The following AKT2 variants were observed in gnomAD, a reference collection of about 807,000 sequenced individuals.
AKT2 encodes the protein RAC-beta serine/threonine-protein kinase.
In AKT2, 16 loss-of-function variants were observed where a neutral mutation model predicts 58.6. The observed-to-expected ratio is 0.27, with a 90% CI of 0.18 to 0.41. AKT2 has a LOEUF of 0.41. Ranked by LOEUF, AKT2 falls within the 10% of genes least tolerant of loss-of-function variation. The pLI, the probability that AKT2 is intolerant of heterozygous loss-of-function variation, is 1.00. For synonymous variants in AKT2, 253 were observed against 254.0 expected, an observed-to-expected ratio of 1.00 and a Z score of 0.04; for missense variants, 438 against 661.0, an observed-to-expected ratio of 0.66 and a Z score of 3.70.
chr19:40,238,257 T>C lies in AKT2; in HGVS notation c.709-166A>G, dbSNP rs181208337. ...AAGGCAGAGCGCAGAAGCTCATAAG[T>C]GACACAGAGCTGGGGGGAAGGGCGA... On this transcript the variant is annotated intron_variant, in intron 8 of 13. Coordinates refer to ENST00000392038, the MANE Select transcript of AKT2 (RefSeq NM_001626.6). This position sits in a 1 kb window ranked among gnomAD's most constrained non-coding sequence, Gnocchi z 5.1. 8.6e-5 allele frequency among the ~76,000 whole-genome samples: 13 copies of C among 151,550 alleles called. No individual in the cohort carries two copies. Among genetic ancestry groups the C allele is most frequent in the African/African-American group, 3.1e-4 (13 of 41,320 alleles).
At chr19:40,243,981 T>C (rs1974575320) in intron 4 of AKT2, 1 of 150,450 alleles carries the variant, frequency 6.6e-6, no homozygotes, top group Non-Finnish European at 1.5e-5. Context: ...GAGGCGGAGG[T>C]TGCAGTGAGC....
At chr19:40,278,931 C>G (rs8111619) in intron 1 of AKT2, among the ~76,000 whole-genome samples, 31,263 of 151,438 alleles carry the variant, frequency 0.21, 3,877 homozygotes, top group African/African-American at 0.34. Flanking sequence ...CAGCTACCCC[C>G]GGGACCAGGT....
chr19:40,256,517 G>A (rs1975552551), intron 3 of AKT2, among the ~76,000 whole-genome samples: 1 of 152,206 alleles, frequency 6.6e-6, no homozygotes, highest in African/African-American at 2.4e-5. Flanking sequence ...GAGGGACAGA[G>A]GACGCGAGGC....
intron 3 of AKT2, 81 bp downstream of exon 3, chr19:40,256,845 T>C (rs919336145): frequency 7.5e-6 from 12 of 1,600,974 alleles, no homozygotes; most frequent in Non-Finnish European, 9.4e-6. Context: ...CATGGCTCAA[T>C]GACCAAGTCC....
intron 1 of AKT2, among the ~76,000 whole-genome samples, chr19:40,281,542 T>G (rs1463363700): frequency 6.6e-6 from 1 of 151,760 alleles, no homozygotes; most frequent in East Asian, 1.9e-4. Flanking sequence ...AAGACTCCAG[T>G]GTGTCTACCT....
In AKT2 at chr19:40,240,025, G is replaced by T. The variant is rs1437040717; in HGVS notation, c.639+20C>A. 1 of 1,612,592 alleles carries T rather than the reference G, an allele frequency of 6.2e-7. No homozygotes were observed. Among genetic ancestry groups the T allele is most frequent in the Admixed American group, 1.7e-5 (1 of 60,022 alleles). On this transcript the variant is annotated intron_variant, in intron 7 of 13. Coordinates refer to ENST00000392038, the MANE Select transcript of AKT2 (RefSeq NM_001626.6). ...CCAAAGGCTGGCCTCACACTGTCTG[G>T]GAAGGGGAGGGCAACTCACAGTGAG...
At chr19:40,275,871 G>A (rs1182018287) in intron 1 of AKT2, among the ~76,000 whole-genome samples, 2 of 149,520 alleles carry the variant, frequency 1.3e-5, no homozygotes, top group Non-Finnish European at 3.0e-5. Flanking sequence ...AAATTAGCCA[G>A]GCGTGGTGGT....
chr19:40,285,285 C>T lies in AKT2; in HGVS notation c.-189G>A. On this transcript the variant is annotated 5_prime_UTR_variant, in exon 1 of 14. Transcript: ENST00000392038. Reference sequence around the variant, plus strand: ...GTGTTTCCCGGCAGCGGCAACGGCGCCGGCAGCGGCAGCGGCGGCGGCGAC... The same window carrying T: ...GTGTTTCCCGGCAGCGGCAACGGCGTCGGCAGCGGCAGCGGCGGCGGCGAC... The T allele has an allele frequency of 5.1e-6, 2 of 395,118 alleles. No homozygotes were observed. Among genetic ancestry groups the T allele is most frequent in the Admixed American group, 8.9e-5 (2 of 22,572 alleles). 24.5% of individuals were successfully genotyped at this position (395,118 alleles called of 1,614,324 possible). A position where few individuals can be genotyped will look rare whatever the true frequency, so the allele number is the denominator to read the frequency against.
chr19:40,231,250 G>A lies in AKT2; in HGVS notation c.*2622C>T, dbSNP rs531452459. The A allele has an allele frequency of 3.0e-5, 7 of 232,274 alleles. No homozygotes were observed. The highest frequency in any genetic ancestry group is 6.0e-5 in the Non-Finnish European group (7 of 117,514). The allele number at this position is 232,274 out of a possible 1,614,324, so 14.4% of individuals were successfully genotyped here. A position where few individuals can be genotyped will look rare whatever the true frequency, so the allele number is the denominator to read the frequency against. Reference sequence around the variant, plus strand: ...AAGAGGAGAGAGGCACTAAAAAGATGAGGTAGCCAGGCCTGTGCCCACACT... The same window carrying A: ...AAGAGGAGAGAGGCACTAAAAAGATAAGGTAGCCAGGCCTGTGCCCACACT... On this transcript the variant is annotated 3_prime_UTR_variant, in exon 14 of 14. Transcript: ENST00000392038.
chr19:40,230,941 T>C lies in AKT2; in HGVS notation c.*2931A>G. 5.3e-6 allele frequency: 1 copy of C among 189,932 alleles called. No homozygotes were observed. The highest frequency in any genetic ancestry group is 2.0e-4 in the South Asian group (1 of 5,122). The allele number at this position is 189,932 out of a possible 1,614,324, so 11.8% of individuals were successfully genotyped here. A position where few individuals can be genotyped will look rare whatever the true frequency, so the allele number is the denominator to read the frequency against. On this transcript the variant is annotated 3_prime_UTR_variant, in exon 14 of 14. Coordinates refer to ENST00000392038, the MANE Select transcript of AKT2 (RefSeq NM_001626.6). ...TCTCCCTATGATGCCCAGGCTGGTC[T>C]CGAACCCCTGGCCTCAAGAGACCCG...
intron 1 of AKT2, among the ~76,000 whole-genome samples, chr19:40,280,608 G>A (rs1001571579): frequency 2.6e-5 from 4 of 152,062 alleles, no homozygotes; most frequent in East Asian, 1.9e-4. Flanking sequence ...TGCCTGCCCC[G>A]CAGCCCCAGG....
chr19:40,244,170 C>T (rs911052888), intron 4 of AKT2: 7 of 151,728 alleles, frequency 4.6e-5, no homozygotes, highest in African/African-American at 1.2e-4. Flanking sequence ...GAGCTGGGCT[C>T]GGTGGCTCAC....
At chr19:40,243,009 T>C (rs150095606) in intron 4 of AKT2, 5 of 353,410 alleles carry the variant, frequency 1.4e-5, no homozygotes, top group Non-Finnish European at 1.7e-5. Flanking sequence ...TAGTCAGGGG[T>C]GGCATTCGCC....
At chr19:40,274,740 G>A (rs9636120) in intron 1 of AKT2, 85,950 of 299,052 alleles carry the variant, frequency 0.29, 14,616 homozygotes, top group South Asian at 0.46. Context: ...GGGCTGAGGC[G>A]CGTTCGAGGC....
At chr19:40,274,780 G>A (rs533444718) in intron 1 of AKT2, 8 of 328,110 alleles carry the variant, frequency 2.4e-5, no homozygotes, top group East Asian at 1.5e-4. Flanking sequence ...GGGGAGGGCC[G>A]GGAGATGTAG....
In AKT2 at chr19:40,233,958, G is replaced by A. The variant is rs191069336; in HGVS notation, c.1367-7C>T. 1.3e-4 allele frequency: 203 copies of A among 1,609,980 alleles called. 2 individuals are homozygous for A. The Admixed American group carries it at 3.3e-3, about 26-fold the overall frequency. On this transcript the variant is annotated splice_region_variant and splice_polypyrimidine_tract_variant and intron_variant, in intron 13 of 13. Coordinates refer to ENST00000392038, the MANE Select transcript of AKT2 (RefSeq NM_001626.6). This position sits in a 1 kb window ranked among gnomAD's most constrained non-coding sequence, Gnocchi z 4.3. ...AGTAAGCCCAGGCTGTCATCTGTGG[G>A]CGGCAGAGGTGGATGGGGAGGACCA...
chr19:40,238,048 C>A lies in AKT2; in HGVS notation c.752G>T (p.Arg251Leu). ...AATCTCTGCACCATAAAACCGGGCC[C>A]GCTCCTCTGTGAAGACACGCTCCCG... ...LSRERVFTEE[R>L]ARFYGAEIVS... is the part of the protein sequence containing the mutation. The change falls in exon 9 of 14, where the codon CGG (arginine) becomes CTG (leucine). Residue 251 changes from arginine to leucine, a missense_variant. By Grantham distance (102) the Arg-to-Leu change is moderately radical. Transcript: ENST00000392038. The surrounding 1 kb of genome is among the most constrained non-coding windows in gnomAD (Gnocchi z 5.1). 6.2e-7 allele frequency: 1 copy of A among 1,608,662 alleles called. No individual in the cohort carries two copies. Among genetic ancestry groups the A allele is most frequent in the Non-Finnish European group, 8.5e-7 (1 of 1,177,586 alleles).
At chr19:40,281,907 T>C (rs1478393571) in intron 1 of AKT2, among the ~76,000 whole-genome samples, 8 of 152,206 alleles carry the variant, frequency 5.3e-5, no homozygotes. Flanking sequence ...GCCTTCACAA[T>C]AATCCTATCA....
rs1973662483 is a variant in AKT2 at position 40,230,728 on chromosome 19, T to TA, written c.*3143_*3144insT. On this transcript the variant is annotated 3_prime_UTR_variant, in exon 14 of 14. Transcript: ENST00000392038. ...TAGCATGTATCATGTTTTTTTTTTT[T>TA]TTATTTTTAGAGACACAGTCTCATT... 4 of 206,788 alleles carry TA rather than the reference T, an allele frequency of 1.9e-5. No individual in the cohort carries two copies. Among genetic ancestry groups the TA allele is most frequent in the Admixed American group, 5.9e-5 (1 of 16,870 alleles). 12.8% of individuals were successfully genotyped at this position (206,788 alleles called of 1,614,324 possible).
Sources: gnomAD v4.1 joint callset for allele counts (sites outside exome capture counted in the v4.1 genomes callset) on GRCh38, gnomAD v4.1.1 for gene constraint, Gnocchi (gnomAD v3.1) non-coding constraint, MANE v1.5 for transcripts, NCBI Gene and HGNC (gene_info 2026-07-23, HGNC 2026-07-21) for gene names.